HCN1: variants seen among roughly 807,000 people sequenced by gnomAD.
HCN1 encodes the protein potassium/sodium hyperpolarization-activated cyclic nucleotide-gated channel 1.
In HCN1, 13 loss-of-function variants were observed where a neutral mutation model predicts 78.9. That is an observed-to-expected ratio of 0.16 (90% CI 0.11 to 0.26). The LOEUF is 0.26. Ranked by LOEUF, HCN1 falls within the 10% of genes least tolerant of loss-of-function variation. The pLI is 1.00. For missense variants in HCN1, 810 were observed against 1,154.3 expected (o/e 0.70, Z 4.32); for synonymous variants, 552 against 455.5 (o/e 1.21, Z -2.70).
chr5:45,300,009 C>T (rs1180111343), intron 6 of HCN1, among the ~76,000 whole-genome samples: 2 of 151,936 alleles, frequency 1.3e-5, no homozygotes, highest in Non-Finnish European at 2.9e-5. Context: ...ATGTGATTCA[C>T]TGTACTAATA....
intron 2 of HCN1, among the ~76,000 whole-genome samples, chr5:45,544,191 T>A (rs1283918240): frequency 6.6e-6 from 1 of 152,114 alleles, no homozygotes; most frequent in Non-Finnish European, 1.5e-5. Context: ...AGAATATACT[T>A]ATTTTGCTAA....
At chr5:45,434,788 T>TATGC (rs893694870) in intron 3 of HCN1, among the ~76,000 whole-genome samples, 1 of 152,006 alleles carries the variant, frequency 6.6e-6, no homozygotes, top group African/African-American at 2.4e-5. Context: ...ATGCAAGGAG[T>TATGC]ATGGCATCAT....
intron 2 of HCN1, among the ~76,000 whole-genome samples, chr5:45,600,395 G>A (rs964099666): frequency 1.1e-4 from 16 of 152,016 alleles, no homozygotes; most frequent in Admixed American, 3.9e-4. Context: ...ATCCTAATAT[G>A]TTCCCAGTAT....
At chr5:45,448,716 A>G (rs1443793176) in intron 3 of HCN1, among the ~76,000 whole-genome samples, 1 of 152,184 alleles carries the variant, frequency 6.6e-6, no homozygotes. Context: ...TATTTTTGAA[A>G]TGACAGGAAT....
At chr5:45,638,364 A>T (rs1484251161) in intron 2 of HCN1, among the ~76,000 whole-genome samples, 2 of 152,142 alleles carry the variant, frequency 1.3e-5, no homozygotes, top group Non-Finnish European at 2.9e-5. Flanking sequence ...AAACCTGCAA[A>T]ACAAGAAAAC....
intron 1 of HCN1, among the ~76,000 whole-genome samples, chr5:45,676,985 A>C (rs190037226): frequency 6.6e-6 from 1 of 151,716 alleles, no homozygotes; most frequent in African/African-American, 2.4e-5. Context: ...ATGATTCAAA[A>C]TTTTTTTCAG....
intron 2 of HCN1, among the ~76,000 whole-genome samples, chr5:45,632,957 C>T (rs969978347): frequency 6.6e-6 from 1 of 152,052 alleles, no homozygotes; most frequent in Middle Eastern, 3.4e-3. Flanking sequence ...ATGCAAGTGC[C>T]TGAATGCAGC....
chr5:45,578,721 A>G (rs1394403176), intron 2 of HCN1, among the ~76,000 whole-genome samples: 2 of 152,066 alleles, frequency 1.3e-5, no homozygotes, highest in African/African-American at 4.8e-5. Flanking sequence ...TACAGATGAA[A>G]AAAAATGAAG....
At chr5:45,648,414 T>C (rs930780989) in intron 1 of HCN1, among the ~76,000 whole-genome samples, 7 of 152,126 alleles carry the variant, frequency 4.6e-5, no homozygotes, top group African/African-American at 1.7e-4. Context: ...TCAATACCAG[T>C]AGGAAACTCT....
intron 2 of HCN1, among the ~76,000 whole-genome samples, chr5:45,463,875 G>T (rs1741216344): frequency 6.6e-6 from 1 of 151,980 alleles, no homozygotes; most frequent in South Asian, 2.1e-4. Flanking sequence ...GTGTTAAATT[G>T]CAGAATATAA....
intron 3 of HCN1, among the ~76,000 whole-genome samples, chr5:45,430,458 A>T (rs1456079808): frequency 6.6e-6 from 1 of 151,608 alleles, no homozygotes; most frequent in Non-Finnish European, 1.5e-5. Context: ...TCCACCCTCA[A>T]GTCTGCCCCA....
Position 45,659,898 on chromosome 5 carries a change from G to A in HCN1, c.426-14290C>T, listed in dbSNP as rs1389339222. Among the ~76,000 whole-genome samples, 93 of 141,884 alleles carry A rather than the reference G, an allele frequency of 6.6e-4. 1 individual carries two copies. The highest frequency in any genetic ancestry group is 1.0e-3 in the Non-Finnish European group (69 of 65,876). 93.1% of individuals were successfully genotyped at this position (141,884 alleles called of 152,430 possible). On this transcript the variant is annotated intron_variant, in intron 1 of 7. Transcript: ENST00000303230. ...ACACTCTGCAGGATATTATCCAGGAGAACTTCCCCAATCTAGCAAGGCAGG... is the reference window on the plus strand; with the variant it reads ...ACACTCTGCAGGATATTATCCAGGAAAACTTCCCCAATCTAGCAAGGCAGG...
chr5:45,640,108 C>T lies in HCN1; in HGVS notation c.849+5077G>A, dbSNP rs149939344. 2.7e-4 allele frequency among the ~76,000 whole-genome samples: 41 copies of T among 152,282 alleles called. 1 individual carries two copies. The East Asian group carries it at 6.2e-3, about 23-fold the overall frequency. The stretch of plus-strand genomic sequence containing the variant: ...GCAAAGCAATTGTGTTGCTCACTCC[C>T]TTATTTGTGCCACTACTTCCCACAT... On this transcript the variant is annotated intron_variant, in intron 2 of 7. Transcript: ENST00000303230.
intron 4 of HCN1, among the ~76,000 whole-genome samples, chr5:45,361,163 G>T (rs1307097490): frequency 1.3e-5 from 2 of 152,148 alleles, no homozygotes; most frequent in East Asian, 3.9e-4. Context: ...TCCTGCCTCA[G>T]CTGTAGCTGA....
At chr5:45,410,505 G>A (rs777095106) in intron 3 of HCN1, among the ~76,000 whole-genome samples, 46 of 151,910 alleles carry the variant, frequency 3.0e-4, no homozygotes, top group African/African-American at 1.1e-3. Context: ...CATGAATGAC[G>A]TCAGTTAAAA....
chr5:45,565,569 T>G (rs1743692257), intron 2 of HCN1, among the ~76,000 whole-genome samples: 1 of 152,068 alleles, frequency 6.6e-6, no homozygotes, highest in Non-Finnish European at 1.5e-5. Flanking sequence ...GCACCTGTAA[T>G]CCCAGCATTT....
chr5:45,633,217 G>A (rs1324830054), intron 2 of HCN1, among the ~76,000 whole-genome samples: 1 of 151,908 alleles, frequency 6.6e-6, no homozygotes, highest in Non-Finnish European at 1.5e-5. Context: ...AAATGTGTAT[G>A]ATTTGAATGC....
chr5:45,300,676 G>T (rs986901984), intron 6 of HCN1, among the ~76,000 whole-genome samples: 23 of 152,046 alleles, frequency 1.5e-4, no homozygotes, highest in Non-Finnish European at 2.6e-4. Flanking sequence ...ATTATATGCA[G>T]ATTTTTGACA....
chr5:45,504,707 G>T (rs1742261224), intron 2 of HCN1, among the ~76,000 whole-genome samples: 1 of 152,108 alleles, frequency 6.6e-6, no homozygotes, highest in Non-Finnish European at 1.5e-5. Context: ...CTAGTTTACA[G>T]TCCCACCAAC....
Sources: gnomAD v4.1 joint callset for allele counts (sites outside exome capture counted in the v4.1 genomes callset) on GRCh38, gnomAD v4.1.1 for gene constraint, MANE v1.5 for transcripts, NCBI Gene and HGNC (gene_info 2026-07-23, HGNC 2026-07-21) for gene names.